Variants in AKAP1 observed in about 807,000 individuals in gnomAD.
The protein encoded by AKAP1 is A-kinase anchor protein 1, mitochondrial.
AKAP1 carries 32 observed loss-of-function variants against 79.8 expected under a neutral mutation model. The observed-to-expected ratio is 0.40, with a 90% CI of 0.30 to 0.54. The LOEUF is 0.54. Among genes scored for constraint, AKAP1 ranks in the 20% least tolerant of loss-of-function variants. The pLI, the probability that AKAP1 is intolerant of heterozygous loss-of-function variation, is 0.47. For synonymous variants in AKAP1, 416 were observed against 466.7 expected (o/e 0.89, Z 1.40); for missense variants, 961 against 1,138.9 (o/e 0.84, Z 2.25).
chr17:57,112,062 TC>T, intron 4 of AKAP1, 138 bp downstream of exon 4: 1 of 1,170,906 alleles, frequency 8.5e-7, no homozygotes, highest in Non-Finnish European at 1.2e-6. Context: ...TTAGGTATCT[TC>T]CCTGCAGCCT....
intron 7 of AKAP1, 115 bp from the exon 8 acceptor site, chr17:57,116,745 C>A: frequency 3.0e-6 from 3 of 1,014,016 alleles, no homozygotes; most frequent in Non-Finnish European, 4.7e-6. Context: ...AAGTACGAAC[C>A]CTCTGCTTTG....
At chr17:57,118,489 G>A in intron 9 of AKAP1, 35 bp downstream of exon 9, 1 of 1,610,154 alleles carries the variant, frequency 6.2e-7, no homozygotes. Flanking sequence ...AGGCAGGCTG[G>A]CTGGGTTCTT....
intron 3 of AKAP1, among the ~76,000 whole-genome samples, chr17:57,110,572 G>T (rs1268849436): frequency 1.3e-5 from 2 of 152,184 alleles, no homozygotes; most frequent in Non-Finnish European, 2.9e-5. Flanking sequence ...ATATTTTAGA[G>T]AACTTGAAAA....
intron 4 of AKAP1, 148 bp downstream of exon 4, chr17:57,112,072 CT>C: frequency 1.0e-5 from 11 of 1,105,398 alleles, no homozygotes; most frequent in Admixed American, 2.7e-5. Context: ...TCCCTGCAGC[CT>C]TTTCCCCATT....
At chr17:57,113,391 G>GT (rs112794961) in intron 5 of AKAP1, among the ~76,000 whole-genome samples, 2,678 of 148,162 alleles carry the variant, frequency 0.018, 20 homozygotes, top group South Asian at 0.031. Context: ...CCTCCTTCGT[G>GT]TTTTTTTTTT....
chr17:57,118,866 C>A, intron 9 of AKAP1, 116 bp from the exon 10 acceptor site: 1 of 1,143,274 alleles, frequency 8.7e-7, no homozygotes, highest in Non-Finnish European at 1.3e-6. Flanking sequence ...GATCCAATCA[C>A]CTCCCACCAG....
At chr17:57,101,591 T>C (rs1914518216) in intron 1 of AKAP1, 1 of 152,202 alleles carries the variant, frequency 6.6e-6, no homozygotes, top group East Asian at 1.9e-4. Context: ...TCTGATTTAA[T>C]AGGGCTGGTG....
intron 1 of AKAP1, among the ~76,000 whole-genome samples, chr17:57,099,539 G>T (rs1169699550): frequency 6.6e-6 from 1 of 152,126 alleles, no homozygotes; most frequent in East Asian, 1.9e-4. Context: ...AGTATTCAGT[G>T]CCTTCTAGGA....
At position 57,105,887 on chromosome 17, in the gene AKAP1, A is replaced by G. The variant is rs2144715609; in HGVS notation, c.423A>G (p.Lys141=). 1.2e-6 allele frequency: 2 copies of G among 1,614,208 alleles called. No individual in the cohort carries two copies. The highest frequency in any genetic ancestry group is 2.2e-5 in the East Asian group (1 of 44,874). The part of the protein sequence containing the change: ...LELALTGGEA[K]SIPLECPLSS... The stretch of plus-strand genomic sequence containing the variant: ...TAGCCCTGACAGGTGGTGAAGCCAA[A>G]TCGATTCCTCTAGAGTGCCCCCTTT... The change falls in exon 2 of 11, where the codon AAA becomes AAG. Residue 141 remains lysine, a synonymous_variant. Transcript: ENST00000337714.
intron 1 of AKAP1, among the ~76,000 whole-genome samples, chr17:57,090,182 C>T (rs1913696175): frequency 6.6e-6 from 1 of 152,120 alleles, no homozygotes; most frequent in Admixed American, 6.5e-5. Flanking sequence ...GATGCCCCCT[C>T]TTCTAGTCCT....
chr17:57,093,383 T>C (rs1285360756), intron 1 of AKAP1: 1 of 152,228 alleles, frequency 6.6e-6, no homozygotes, highest in Non-Finnish European at 1.5e-5. Context: ...TTAAACTCTT[T>C]GTTAAATGAC....
intron 5 of AKAP1, among the ~76,000 whole-genome samples, chr17:57,112,875 T>C (rs1208577821): frequency 1.3e-5 from 2 of 152,018 alleles, no homozygotes; most frequent in African/African-American, 2.4e-5. Context: ...GCTCTCCCCC[T>C]GGGCACCTTT....
At chr17:57,112,044 A>G (rs1915278893) in intron 4 of AKAP1, 120 bp downstream of exon 4, 2 of 1,304,830 alleles carry the variant, frequency 1.5e-6, no homozygotes, top group Admixed American at 2.3e-5. Flanking sequence ...ATCCCAGGGA[A>G]GGGAGCATTA....
chr17:57,110,198 C>T (rs1440869835), intron 3 of AKAP1, 40 bp downstream of exon 3: 1 of 1,608,686 alleles, frequency 6.2e-7, no homozygotes, highest in Non-Finnish European at 8.5e-7. Context: ...GTGGTAAGCC[C>T]AAAGCTCCCT....
Position 57,110,473 on chromosome 17 carries a change from C to T in AKAP1, c.1848+315C>T, listed in dbSNP as rs1915173186. Among the ~76,000 whole-genome samples the T allele has an allele frequency of 2.0e-5, 3 of 151,740 alleles. No homozygotes were observed. In the East Asian group the frequency reaches 5.8e-4, roughly 29 times the overall value. On this transcript the variant is annotated intron_variant, in intron 3 of 10. Transcript: ENST00000337714. ...CTCAGATCTATTTGGAAAAAAAACA[C>T]CAAGGCCGTGGGGGCCAGCCAGAAT...
intron 7 of AKAP1, among the ~76,000 whole-genome samples, chr17:57,116,465 A>G (rs1955423903): frequency 6.6e-6 from 1 of 152,260 alleles, no homozygotes; most frequent in South Asian, 2.1e-4. Context: ...TTGTGGAAGA[A>G]TCCCCAGCAT....
At chr17:57,093,688 C>T (rs1028966150) in intron 1 of AKAP1, 1 of 152,168 alleles carries the variant, frequency 6.6e-6, no homozygotes, top group Non-Finnish European at 1.5e-5. Flanking sequence ...AACGTGTTTT[C>T]TATCAAAACA....
rs560823951 is a variant in AKAP1 at position 57,115,041 on chromosome 17, G to A, written c.2281+405G>A. On this transcript the variant is annotated intron_variant, in intron 6 of 10. Transcript: ENST00000337714. ...ATATAAAGCACTTATGCATATAATG[G>A]TTACCACAAAAAAATCCCCAAGTCC... Among the ~76,000 whole-genome samples, 3 of 152,118 alleles carry A rather than the reference G, an allele frequency of 2.0e-5. No individual in the cohort carries two copies. The South Asian group carries it at 6.2e-4, about 32-fold the overall frequency.
Position 57,105,871 on chromosome 17 carries a change from C to A in AKAP1, c.407C>A (p.Thr136Lys), listed in dbSNP as rs1411325913. The A allele has an allele frequency of 1.2e-6, 2 of 1,614,140 alleles. No individual in the cohort carries two copies. Among genetic ancestry groups the A allele is most frequent in the East Asian group, 4.5e-5 (2 of 44,892 alleles). The change falls in exon 2 of 11, where the codon ACA becomes AAA. Residue 136 changes from threonine to lysine, a missense_variant. By Grantham distance (78) the Thr-to-Lys change is moderately conservative. Coordinates refer to ENST00000337714, the MANE Select transcript of AKAP1 (RefSeq NM_003488.4). Reference protein sequence around the residue: ...DDSTKLELALTGGEAKSIPLE... With the variant: ...DDSTKLELALKGGEAKSIPLE... ...AGTACAAAGCTGGAGCTAGCCCTGA[C>A]AGGTGGTGAAGCCAAATCGATTCCT...
Sources: allele counts gnomAD v4.1 joint callset (sites outside exome capture counted in the v4.1 genomes callset), GRCh38; gene constraint gnomAD v4.1.1; transcripts MANE v1.5; gene names NCBI Gene and HGNC (gene_info 2026-07-23, HGNC 2026-07-21).